The following MPPED2 variants were observed in gnomAD, a reference collection of about 807,000 sequenced individuals.
MPPED2 encodes the protein metallophosphoesterase MPPED2.
MPPED2 carries 5 observed loss-of-function variants against 33.0 expected under a neutral mutation model. The ratio of observed to expected loss-of-function variants is 0.15; its 90% CI spans 0.08 to 0.32. MPPED2 has a LOEUF of 0.32. Ranked by LOEUF, MPPED2 falls within the 10% of genes least tolerant of loss-of-function variation. The pLI is 1.00. For synonymous variants in MPPED2, 136 were observed against 141.9 expected, an observed-to-expected ratio of 0.96 and a Z score of 0.29; for missense variants, 275 against 372.1, an observed-to-expected ratio of 0.74 and a Z score of 2.15.
At chr11:30,405,707 G>A (rs893820978), downstream of MPPED2, among the ~76,000 whole-genome samples, 6 of 152,130 alleles carry the variant, frequency 3.9e-5, no homozygotes, top group Non-Finnish European at 5.9e-5. Flanking sequence ...CTCTCGTGAC[G>A]GGCTGTGGCC....
intron 4 of MPPED2, among the ~76,000 whole-genome samples, chr11:30,463,362 C>T (rs1489496493): frequency 6.6e-6 from 1 of 152,174 alleles, no homozygotes; most frequent in African/African-American, 2.4e-5. Context: ...TTCCTCTCCC[C>T]AACAGCCCCA....
chr11:30,466,704 C>A (rs954927559), intron 4 of MPPED2, among the ~76,000 whole-genome samples: 5 of 152,208 alleles, frequency 3.3e-5, no homozygotes, highest in African/African-American at 1.2e-4. Flanking sequence ...TGGGCTGATT[C>A]TATTATTTTC....
chr11:30,498,275 T>C (rs1191708202), intron 3 of MPPED2, among the ~76,000 whole-genome samples: 1 of 152,024 alleles, frequency 6.6e-6, no homozygotes, highest in Non-Finnish European at 1.5e-5. Context: ...AAAAAATCCT[T>C]GCTCTGAATG....
At chr11:30,446,829 C>A (rs138361298) in intron 4 of MPPED2, among the ~76,000 whole-genome samples, 1 of 152,260 alleles carries the variant, frequency 6.6e-6, no homozygotes, top group East Asian at 1.9e-4. Context: ...AAGTCCCAGT[C>A]TAAAATGACT....
chr11:30,504,028 G>T (rs1952694452), intron 3 of MPPED2, among the ~76,000 whole-genome samples: 1 of 152,176 alleles, frequency 6.6e-6, no homozygotes, highest in Non-Finnish European at 1.5e-5. Flanking sequence ...TTCTAAATAA[G>T]AGATATACAA....
chr11:30,490,867 C>G (rs531302148), intron 4 of MPPED2, among the ~76,000 whole-genome samples: 1 of 149,540 alleles, frequency 6.7e-6, no homozygotes, highest in South Asian at 2.1e-4. Flanking sequence ...CAATCCATAT[C>G]TTCTAAATAC....
At chr11:30,391,399 C>A (rs776006836) in intron 6 of MPPED2, among the ~76,000 whole-genome samples, 30 of 152,268 alleles carry the variant, frequency 2.0e-4, no homozygotes, top group Middle Eastern at 3.4e-3. Flanking sequence ...GGGCCAGGTA[C>A]CTAACGTTAT....
chr11:30,480,531 A>C (rs1205504607), intron 4 of MPPED2, among the ~76,000 whole-genome samples: 1 of 152,138 alleles, frequency 6.6e-6, no homozygotes, highest in Admixed American at 6.6e-5. Context: ...TAACAAAGCC[A>C]ATAAATCAAG....
At chr11:30,416,718 T>G (rs1324578582) in intron 5 of MPPED2, among the ~76,000 whole-genome samples, 1 of 152,180 alleles carries the variant, frequency 6.6e-6, no homozygotes, top group Non-Finnish European at 1.5e-5. Flanking sequence ...AAGTGAAACA[T>G]CTGAATTTCT....
chr11:30,551,488 A>G (rs1955711416), intron 2 of MPPED2, among the ~76,000 whole-genome samples: 1 of 152,184 alleles, frequency 6.6e-6, no homozygotes, highest in Admixed American at 6.5e-5. Context: ...TTTTCTCCTG[A>G]TTTCAAATAA....
At chr11:30,553,546 A>C (rs554032907) in intron 2 of MPPED2, among the ~76,000 whole-genome samples, 121 of 152,370 alleles carry the variant, frequency 7.9e-4, no homozygotes, top group Admixed American at 2.2e-3. Flanking sequence ...AAGGTTAAGC[A>C]AATACAAAAG....
At chr11:30,478,690 G>A (rs1951333869) in intron 4 of MPPED2, among the ~76,000 whole-genome samples, 4 of 152,134 alleles carry the variant, frequency 2.6e-5, no homozygotes, top group Non-Finnish European at 2.9e-5. Flanking sequence ...AAGATTCTGA[G>A]ACGCTGTAGT....
intron 4 of MPPED2, among the ~76,000 whole-genome samples, chr11:30,494,039 C>T (rs906108988): frequency 1.3e-5 from 2 of 152,220 alleles, no homozygotes; most frequent in Non-Finnish European, 2.9e-5. Flanking sequence ...CAACCAGTAA[C>T]TTTCAAACCA....
chr11:30,406,481 GTT>G (rs1590164193), downstream of MPPED2, among the ~76,000 whole-genome samples: 2 of 152,140 alleles, frequency 1.3e-5, no homozygotes, highest in East Asian at 3.9e-4. Flanking sequence ...TTCTTAGGGA[GTT>G]TTCTGAATCA....
At position 30,462,488 on chromosome 11, in the gene MPPED2, A is replaced by G. The variant is rs148235806; in HGVS notation, c.536+32808T>C. ...ATATGAAGATACCAAGAGTCTTTTA[A>G]AAGTATGTTCAAAAATACTCTTAAA... On this transcript the variant is annotated intron_variant, in intron 4 of 6. Transcript: ENST00000358117. Among the ~76,000 whole-genome samples the G allele has an allele frequency of 3.1e-3, 471 of 152,338 alleles. 4 individuals carry two copies. Among genetic ancestry groups the G allele is most frequent in the Non-Finnish European group, 4.6e-3 (310 of 68,024 alleles).
Position 30,411,921 on chromosome 11 carries a change from T to C in MPPED2, c.767-335A>G, listed in dbSNP as rs189843776. ...ATAGGATTTTCATTTCAAAGCCTTG[T>C]GTTAACTATTGAGTTCTAGGGAATA... On this transcript the variant is annotated intron_variant, in intron 6 of 6. Transcript: ENST00000358117. Among the ~76,000 whole-genome samples, 16 of 152,198 alleles carry C rather than the reference T, an allele frequency of 1.1e-4. No homozygotes were observed. In the East Asian group the frequency reaches 3.1e-3, roughly 29 times the overall value.
chr11:30,532,382 C>T (rs1240915445), intron 3 of MPPED2, among the ~76,000 whole-genome samples: 1 of 152,176 alleles, frequency 6.6e-6, no homozygotes, highest in Admixed American at 6.5e-5. Flanking sequence ...AAGGGAGGCT[C>T]ATTTTTATAC....
At chr11:30,540,189 C>T (rs138674136) in intron 2 of MPPED2, among the ~76,000 whole-genome samples, 1 of 152,106 alleles carries the variant, frequency 6.6e-6, no homozygotes, top group African/African-American at 2.4e-5. Flanking sequence ...AATAATAATG[C>T]CTAATTTTCT....
At chr11:30,391,517 T>C (rs1356535549) in intron 6 of MPPED2, among the ~76,000 whole-genome samples, 5 of 152,284 alleles carry the variant, frequency 3.3e-5, no homozygotes, top group Admixed American at 3.3e-4. Context: ...CTCTACCACA[T>C]ATTGCCTGTG....
Sources: gnomAD v4.1 joint callset for allele counts (sites outside exome capture counted in the v4.1 genomes callset) on GRCh38, gnomAD v4.1.1 for gene constraint, MANE v1.5 for transcripts, NCBI Gene and HGNC (gene_info 2026-07-23, HGNC 2026-07-21) for gene names.